Variants in GPATCH2L observed in about 807,000 individuals in gnomAD.
The protein encoded by GPATCH2L is G-patch domain containing 2 like, also known as G patch domain-containing protein 2-like.
A neutral mutation model predicts 57.4 loss-of-function variants in GPATCH2L; 31 were observed. The ratio of observed to expected loss-of-function variants is 0.54; its 90% CI spans 0.41 to 0.73. The LOEUF is 0.73. GPATCH2L is among the 30% of genes least tolerant of loss of function. The probability of loss-of-function intolerance (pLI) is 0.00; values close to 1 mark genes in which losing one functional copy is unlikely to be tolerated. For synonymous variants in GPATCH2L, 199 were observed against 210.7 expected, an observed-to-expected ratio of 0.94 and a Z score of 0.48; for missense variants, 481 against 599.9, an observed-to-expected ratio of 0.80 and a Z score of 2.07.
intron 8 of GPATCH2L, among the ~76,000 whole-genome samples, chr14:76,193,452 T>C (rs1160407432): frequency 6.6e-6 from 1 of 152,204 alleles, no homozygotes; most frequent in Non-Finnish European, 1.5e-5. Flanking sequence ...TGAGTACTTA[T>C]GCTTCTCATT....
chr14:76,233,227 G>A (rs2040582609), intron 2 of GPATCH2L, among the ~76,000 whole-genome samples: 2 of 152,184 alleles, frequency 1.3e-5, no homozygotes, highest in African/African-American at 4.8e-5. Context: ...GATACATATT[G>A]CCAAAATGCT....
chr14:76,172,363 A>G (rs562623535), intron 4 of GPATCH2L, among the ~76,000 whole-genome samples: 2 of 152,380 alleles, frequency 1.3e-5, no homozygotes, highest in South Asian at 4.1e-4. Flanking sequence ...GATTTCAATA[A>G]GAACATTCAC....
rs2040357969 is a variant in GPATCH2L, at chr14:76,204,950, T to G, written c.*3099T>G. ...ATTTTAAAGGAACAAAACTCCTGTG[T>G]TGCCTTTTGTTGTTGTTGTTGTTGT... On this transcript the variant is annotated 3_prime_UTR_variant, in exon 10 of 10. Transcript: ENST00000261530. 1 of 151,430 alleles carries G rather than the reference T, an allele frequency of 6.6e-6. No homozygotes were observed. The highest frequency in any genetic ancestry group is 2.4e-5 in the African/African-American group (1 of 40,928). The allele number at this position is 151,430 out of a possible 1,614,324, so 9.4% of individuals were successfully genotyped here. A position where few individuals can be genotyped will look rare whatever the true frequency, so the allele number is the denominator to read the frequency against.
At position 76,209,693 on chromosome 14, in the gene GPATCH2L, A is replaced by G. The variant is rs1358884754; in HGVS notation, c.*7842A>G. 6.6e-6 allele frequency: 1 copy of G among 152,184 alleles called. No homozygotes were observed. The highest frequency in any genetic ancestry group is 2.4e-5 in the African/African-American group (1 of 41,438). 9.4% of individuals were successfully genotyped at this position (152,184 alleles called of 1,614,324 possible). A position where few individuals can be genotyped will look rare whatever the true frequency, so the allele number is the denominator to read the frequency against. ...TCAAGCCTTTTTGGCCTTGAACTTCATGTTGATTTTTATCAAAGAACTTTT... is the reference window on the plus strand; with the variant it reads ...TCAAGCCTTTTTGGCCTTGAACTTCGTGTTGATTTTTATCAAAGAACTTTT... On this transcript the variant is annotated 3_prime_UTR_variant, in exon 10 of 10. Transcript: ENST00000261530.
chr14:76,221,871 C>T (rs929260749), intron 1 of GPATCH2L, among the ~76,000 whole-genome samples: 1 of 152,084 alleles, frequency 6.6e-6, no homozygotes, highest in South Asian at 2.1e-4. Context: ...AGTGAAAATA[C>T]TCTGTATGAT....
intron 5 of GPATCH2L, 61 bp from the exon 6 acceptor site, chr14:76,176,562 T>C: frequency 8.7e-7 from 1 of 1,145,916 alleles, no homozygotes; most frequent in South Asian, 1.2e-5. Context: ...AAGATTGATA[T>C]TGTACTTTAT....
At chr14:76,195,810 G>C in intron 8 of GPATCH2L, 68 bp from the exon 9 acceptor site, 1 of 1,163,128 alleles carries the variant, frequency 8.6e-7, no homozygotes, top group Non-Finnish European at 1.3e-6. Context: ...TTTAATCTGG[G>C]CTACATGTAA....
At chr14:76,152,227 T>TG (rs1437144633) in intron 1 of GPATCH2L, among the ~76,000 whole-genome samples, 3 of 152,018 alleles carry the variant, frequency 2.0e-5, no homozygotes, top group African/African-American at 7.2e-5. Flanking sequence ...TCTGCCTCTC[T>TG]GGGGCGGGCT....
intron 9 of GPATCH2L, among the ~76,000 whole-genome samples, chr14:76,199,559 A>C (rs1042309250): frequency 6.6e-6 from 1 of 152,162 alleles, no homozygotes; most frequent in Non-Finnish European, 1.5e-5. Flanking sequence ...GTTTTATGCT[A>C]TTATGGAAAA....
rs1463411856 is a variant in GPATCH2L at position 76,209,765 on chromosome 14, T to C, written c.*7914T>C. On this transcript the variant is annotated 3_prime_UTR_variant, in exon 10 of 10. Transcript: ENST00000261530. ...CCTATGAATACAGTGAAACTTGGGG[T>C]TCCACTTTCATCAGATGTGACCCTG... is the stretch of plus-strand genomic sequence containing the variant. The C allele has an allele frequency of 6.6e-6, 1 of 152,208 alleles. No homozygotes were observed. Among genetic ancestry groups the C allele is most frequent in the Non-Finnish European group, 1.5e-5 (1 of 68,044 alleles). The allele number at this position is 152,208 out of a possible 1,614,324, so 9.4% of individuals were successfully genotyped here.
chr14:76,170,408 T>C (rs984989575), intron 3 of GPATCH2L, among the ~76,000 whole-genome samples: 1 of 152,182 alleles, frequency 6.6e-6, no homozygotes, highest in African/African-American at 2.4e-5. Context: ...AGGAATAAAC[T>C]CTAGTGGAAA....
intron 3 of GPATCH2L, among the ~76,000 whole-genome samples, chr14:76,167,454 T>A (rs1250563988): frequency 6.6e-6 from 1 of 152,212 alleles, no homozygotes; most frequent in Admixed American, 6.5e-5. Flanking sequence ...CGAAGTCCAA[T>A]AATTTTTCTC....
Position 76,202,017 on chromosome 14 carries a change from T to C in GPATCH2L, c.*166T>C, listed in dbSNP as rs2040319879. On this transcript the variant is annotated 3_prime_UTR_variant, in exon 10 of 10. Coordinates refer to ENST00000261530, the MANE Select transcript of GPATCH2L (RefSeq NM_017926.4). ...GTGGATTCTTTCTCTCAGAAGATCA[T>C]GTTGTGGGAATCTTTTTTTTAAATA... The C allele has an allele frequency of 1.9e-6, 1 of 524,620 alleles. No homozygotes were observed. Among genetic ancestry groups the C allele is most frequent in the East Asian group, 3.1e-5 (1 of 31,932 alleles). The allele number at this position is 524,620 out of a possible 1,614,324, so 32.5% of individuals were successfully genotyped here.
chr14:76,200,702 G>T (rs2040288838), intron 9 of GPATCH2L, among the ~76,000 whole-genome samples: 3 of 152,130 alleles, frequency 2.0e-5, no homozygotes, highest in African/African-American at 7.2e-5. Context: ...TTGGGTACAT[G>T]CCGATACTTT....
intron 2 of GPATCH2L, among the ~76,000 whole-genome samples, chr14:76,159,502 C>T (rs900857375): frequency 1.2e-4 from 18 of 152,046 alleles, no homozygotes; most frequent in African/African-American, 3.9e-4. Flanking sequence ...ATGCAGAGCC[C>T]CTAGCCCAGT....
chr14:76,231,993 C>CAGCCTCACTGG (rs2040568974), intron 2 of GPATCH2L, among the ~76,000 whole-genome samples: 1 of 152,266 alleles, frequency 6.6e-6, no homozygotes, highest in African/African-American at 2.4e-5. Flanking sequence ...AGCCTCACTG[C>CAGCCTCACTGG]AGCCTCACTG....
chr14:76,165,489 T>C (rs2038790494), intron 2 of GPATCH2L, among the ~76,000 whole-genome samples: 2 of 133,512 alleles, frequency 1.5e-5, no homozygotes, highest in South Asian at 2.3e-4. Context: ...AAACTCCATC[T>C]CAAAAAAAAA....
intron 7 of GPATCH2L, chr14:76,179,336 G>A (rs369379688): frequency 1.2e-4 from 18 of 152,334 alleles, no homozygotes; most frequent in African/African-American, 4.1e-4. Context: ...AAAAATAATT[G>A]ATATGAGGAA....
chr14:76,221,058 CA>C (rs2040512677), intron 1 of GPATCH2L, among the ~76,000 whole-genome samples: 1 of 142,604 alleles, frequency 7.0e-6, no homozygotes, highest in African/African-American at 2.6e-5. Context: ...AAAAAAAAGT[CA>C]AAAAAATGAG....
Sources: gnomAD v4.1 joint callset for allele counts (sites outside exome capture counted in the v4.1 genomes callset) on GRCh38, gnomAD v4.1.1 for gene constraint, MANE v1.5 for transcripts, NCBI Gene and HGNC (gene_info 2026-07-23, HGNC 2026-07-21) for gene names.